The following PSMA3 variants were observed in gnomAD, a reference collection of about 807,000 sequenced individuals.
The protein encoded by PSMA3 is proteasome 20S subunit alpha 3, also known as proteasome subunit alpha type-3.
A neutral mutation model predicts 40.0 loss-of-function variants in PSMA3; 8 were observed. That is an observed-to-expected ratio of 0.20 (90% confidence interval 0.12 to 0.36). The LOEUF is 0.36. PSMA3 is among the 10% of genes least tolerant of loss of function. The pLI, the probability that PSMA3 is intolerant of heterozygous loss-of-function variation, is 1.00. For synonymous variants in PSMA3, 110 were observed against 100.0 expected, an observed-to-expected ratio of 1.10 and a Z score of -0.59; for missense variants, 219 against 310.6, an observed-to-expected ratio of 0.70 and a Z score of 2.22.
At chr14:58,268,333 T>C (rs1278499039) in intron 8 of PSMA3, among the ~76,000 whole-genome samples, 1 of 152,218 alleles carries the variant, frequency 6.6e-6, no homozygotes, top group Non-Finnish European at 1.5e-5. Flanking sequence ...ATCACCTGTC[T>C]GTATGGTAGT....
intron 5 of PSMA3, among the ~76,000 whole-genome samples, chr14:58,260,620 TG>T (rs1890255071): frequency 2.0e-5 from 3 of 152,226 alleles, no homozygotes; most frequent in Admixed American, 1.3e-4. Context: ...TTTGTTCCCT[TG>T]ATCTTTTTGT....
chr14:58,249,061 G>A (rs1277783148), intron 2 of PSMA3, among the ~76,000 whole-genome samples: 1 of 152,076 alleles, frequency 6.6e-6, no homozygotes, highest in Non-Finnish European at 1.5e-5. Flanking sequence ...TGCCTCCCAG[G>A]TTCAAGCAAT....
chr14:58,271,327 CTTTTTT>C (rs60528514), intron 10 of PSMA3, among the ~76,000 whole-genome samples: 4 of 102,396 alleles, frequency 3.9e-5, no homozygotes, highest in Admixed American at 1.3e-4. Context: ...AATATTTGTT[CTTTTTT>C]TTTTTTTTTT....
In PSMA3 at chr14:58,260,944, G is replaced by A; in HGVS notation, c.405-4G>A. On this transcript the variant is annotated splice_region_variant and splice_polypyrimidine_tract_variant and intron_variant, in intron 5 of 10. Coordinates refer to ENST00000216455, the MANE Select transcript of PSMA3 (RefSeq NM_002788.4). The stretch of plus-strand genomic sequence containing the variant: ...GTTTAAGCTGTTTGTATACTTTCAT[G>A]CAGTTTCATGTTAGGGTCTTACAGT... 1 of 1,603,294 alleles carries A rather than the reference G, an allele frequency of 6.2e-7. No individual in the cohort carries two copies. The highest frequency in any genetic ancestry group is 8.5e-7 in the Non-Finnish European group (1 of 1,172,696).
chr14:58,248,640 G>A (rs926853223), intron 2 of PSMA3, among the ~76,000 whole-genome samples: 4 of 152,010 alleles, frequency 2.6e-5, no homozygotes, highest in African/African-American at 7.2e-5. Context: ...CCTTAAAAAC[G>A]AATGTGTTTT....
chr14:58,256,415 CCT>C (rs1491459296), intron 3 of PSMA3, among the ~76,000 whole-genome samples: 1 of 149,030 alleles, frequency 6.7e-6, no homozygotes, highest in African/African-American at 2.5e-5. Context: ...CTGAGCATTT[CCT>C]TTTTTTTTTT....
intron 3 of PSMA3, among the ~76,000 whole-genome samples, chr14:58,253,530 G>A (rs1417100123): frequency 6.6e-6 from 1 of 152,074 alleles, no homozygotes; most frequent in Admixed American, 6.6e-5. Context: ...CTTCTTCAAA[G>A]ATTATTTTAT....
At chr14:58,264,023 G>A (rs140977506) in intron 7 of PSMA3, among the ~76,000 whole-genome samples, 26 of 152,304 alleles carry the variant, frequency 1.7e-4, no homozygotes, top group East Asian at 1.4e-3. Context: ...GATATAGTGT[G>A]GTTTGATGTT....
At position 58,247,880 on chromosome 14, in the gene PSMA3, A is replaced by G. The variant is rs766447600; in HGVS notation, c.104+48A>G. On this transcript the variant is annotated intron_variant, in intron 2 of 10. Coordinates refer to ENST00000216455, the MANE Select transcript of PSMA3 (RefSeq NM_002788.4). ...TTACATGTCTCCTTTTATTTTATAT[A>G]TTTTTGGCGATTAGGCTTTGTTATG... is the stretch of plus-strand genomic sequence containing the variant. 19 of 1,311,058 alleles carry G rather than the reference A, an allele frequency of 1.4e-5. No homozygotes were observed. The Admixed American group carries it at 4.1e-4, about 28-fold the overall frequency. The allele number at this position is 1,311,058 out of a possible 1,614,324, so 81.2% of individuals were successfully genotyped here.
chr14:58,247,096 CAAG>C (rs1889898723), intron 1 of PSMA3, among the ~76,000 whole-genome samples: 1 of 152,186 alleles, frequency 6.6e-6, no homozygotes, highest in African/African-American at 2.4e-5. Context: ...TGCCAAATGT[CAAG>C]AAGACTTTTC....
chr14:58,259,489 A>C lies in PSMA3; in HGVS notation c.405-1459A>C, dbSNP rs560919815. On this transcript the variant is annotated intron_variant, in intron 5 of 10. Coordinates refer to ENST00000216455, the MANE Select transcript of PSMA3 (RefSeq NM_002788.4). ...GCCACCACGCCCGGCTAATTTTTTT[A>C]TTTTTAGTACAGTCAGGGTTTCGCC... 4.6e-5 allele frequency among the ~76,000 whole-genome samples: 7 copies of C among 152,054 alleles called. No homozygotes were observed. In the East Asian group the frequency reaches 1.4e-3, roughly 30 times the overall value.
chr14:58,270,394 T>C, intron 8 of PSMA3, 24 bp from the exon 9 acceptor site: 1 of 1,612,582 alleles, frequency 6.2e-7, no homozygotes, highest in Non-Finnish European at 8.5e-7. Context: ...TACCAAAATC[T>C]TACCTTTCCC....
chr14:58,257,786 C>G lies in PSMA3; in HGVS notation c.270C>G (p.Asp90Glu). 6.2e-7 allele frequency: 1 copy of G among 1,613,328 alleles called. No individual in the cohort carries two copies. The highest frequency in any genetic ancestry group is 1.1e-5 in the South Asian group (1 of 91,044). The change falls in exon 4 of 11, where the codon GAC becomes GAG. Residue 90 changes from aspartate (D) to glutamate (E), a missense_variant. Transcript: ENST00000216455. ...TGGCAGATGCTCGTTCTTTAGCAGACATAGCAAGAGAAGAAGCTTCCAACT... is the reference window on the plus strand; with the variant it reads ...TGGCAGATGCTCGTTCTTTAGCAGAGATAGCAAGAGAAGAAGCTTCCAACT... The part of the protein sequence containing the change: ...GLLADARSLA[D>E]IAREEASNFR...
chr14:58,266,395 C>T (rs1239609567), intron 7 of PSMA3: 3 of 152,174 alleles, frequency 2.0e-5, no homozygotes, highest in East Asian at 1.9e-4. Context: ...CCCAACATAT[C>T]CACAGTAGAT....
chr14:58,258,728 A>G (rs1207060324), intron 5 of PSMA3, among the ~76,000 whole-genome samples: 1 of 151,500 alleles, frequency 6.6e-6, no homozygotes, highest in Non-Finnish European at 1.5e-5. Flanking sequence ...CTTCACAGAG[A>G]AGACTTGTGA....
In PSMA3 at chr14:58,265,638, C is replaced by T. The variant is rs556766466; in HGVS notation, c.544-1836C>T. The T allele has an allele frequency of 6.6e-5, 10 of 152,306 alleles. No homozygotes were observed. The South Asian group carries it at 1.9e-3, about 28-fold the overall frequency. 9.4% of individuals were successfully genotyped at this position (152,306 alleles called of 1,614,324 possible). On this transcript the variant is annotated intron_variant, in intron 7 of 10. Transcript: ENST00000216455. Reference sequence around the variant, plus strand: ...TCCATCTGCTGACCCCTGCTCTGTACCATTGTTCTCTTCTGATGGTCTGTT... The same window carrying T: ...TCCATCTGCTGACCCCTGCTCTGTATCATTGTTCTCTTCTGATGGTCTGTT...
intron 9 of PSMA3, 44 bp from the exon 10 acceptor site, chr14:58,270,890 G>A: frequency 6.8e-7 from 1 of 1,466,856 alleles, no homozygotes; most frequent in Non-Finnish European, 9.5e-7. Flanking sequence ...TTACAATATG[G>A]TACTCAATTT....
chr14:58,261,634 T>C (rs1890284813), intron 6 of PSMA3, among the ~76,000 whole-genome samples: 1 of 152,072 alleles, frequency 6.6e-6, no homozygotes, highest in South Asian at 2.1e-4. Flanking sequence ...AATGTCTTTT[T>C]TCCTCATTCT....
At chr14:58,265,099 A>G (rs1566643604) in intron 7 of PSMA3, 1 of 152,180 alleles carries the variant, frequency 6.6e-6, no homozygotes, top group East Asian at 1.9e-4. Context: ...CTATCTCCCA[A>G]AACAAAATGT....
Sources: gnomAD v4.1 joint callset for allele counts (sites outside exome capture counted in the v4.1 genomes callset) on GRCh38, gnomAD v4.1.1 for gene constraint, MANE v1.5 for transcripts, NCBI Gene and HGNC (gene_info 2026-07-23, HGNC 2026-07-21) for gene names.